Variants in CSMD1 observed in about 807,000 individuals in gnomAD.
CSMD1 encodes the protein CUB and sushi domain-containing protein 1.
Under a neutral mutation model 417.5 loss-of-function variants are expected in CSMD1, and 213 were observed. That is an observed-to-expected ratio of 0.51 (90% CI 0.46 to 0.57). The LOEUF (loss-of-function observed/expected upper bound fraction) is 0.57, where lower values mean the gene tolerates loss of function less well. Ranked by LOEUF, CSMD1 falls within the 20% of genes least tolerant of loss-of-function variation. The pLI is 0.00. For missense variants in CSMD1, 6,923 were observed against 4,529.7 expected, an observed-to-expected ratio of 1.53 and a Z score of -15.17; for synonymous variants, 2,862 against 1,736.8, an observed-to-expected ratio of 1.65 and a Z score of -16.11.
At chr8:3,198,926 T>A (rs889582661) in intron 33 of CSMD1, among the ~76,000 whole-genome samples, 1 of 152,152 alleles carries the variant, frequency 6.6e-6, no homozygotes, top group Non-Finnish European at 1.5e-5. Context: ...AACTAAAATA[T>A]TGCTTTTTAT....
At chr8:3,639,471 C>T (rs777875047) in intron 7 of CSMD1, among the ~76,000 whole-genome samples, 1 of 152,120 alleles carries the variant, frequency 6.6e-6, no homozygotes, top group African/African-American at 2.4e-5. Context: ...AATTGTCTAA[C>T]TGAGCATGAA....
chr8:4,104,381 GTAC>G (rs1252679502), intron 3 of CSMD1, among the ~76,000 whole-genome samples: 1 of 152,134 alleles, frequency 6.6e-6, no homozygotes, highest in African/African-American at 2.4e-5. Context: ...GCACAGGGCA[GTAC>G]TACACACACA....
At chr8:3,010,045 C>A (rs990017287) in intron 52 of CSMD1, among the ~76,000 whole-genome samples, 1 of 152,218 alleles carries the variant, frequency 6.6e-6, no homozygotes, top group Non-Finnish European at 1.5e-5. Context: ...GCCTCATTGT[C>A]CTCAAGCTTT....
chr8:3,065,533 CAGAT>C (rs1035938929), intron 49 of CSMD1, among the ~76,000 whole-genome samples: 2 of 151,652 alleles, frequency 1.3e-5, no homozygotes, highest in African/African-American at 2.4e-5. Flanking sequence ...GATGGATACA[CAGAT>C]GGATAGTTAT....
chr8:3,809,705 T>C (rs1800954477), intron 5 of CSMD1, among the ~76,000 whole-genome samples: 1 of 152,138 alleles, frequency 6.6e-6, no homozygotes. Flanking sequence ...CCAGAGACAC[T>C]GCCACGAATC....
chr8:4,666,843 T>C (rs928980769), intron 1 of CSMD1, among the ~76,000 whole-genome samples: 2 of 152,178 alleles, frequency 1.3e-5, no homozygotes, highest in African/African-American at 2.4e-5. Flanking sequence ...AGCAGAACTT[T>C]ATAATTTTGA....
intron 5 of CSMD1, among the ~76,000 whole-genome samples, chr8:3,984,809 C>A (rs542544374): frequency 2.4e-4 from 35 of 143,224 alleles, no homozygotes; most frequent in South Asian, 1.8e-3. Context: ...ATCACACACA[C>A]AAAAAACTAG....
intron 25 of CSMD1, among the ~76,000 whole-genome samples, chr8:3,296,379 G>C (rs924463009): frequency 6.6e-6 from 1 of 152,126 alleles, no homozygotes; most frequent in Non-Finnish European, 1.5e-5. Context: ...GGAAGGAAGA[G>C]CTGAGAGCAG....
intron 17 of CSMD1, among the ~76,000 whole-genome samples, chr8:3,392,754 G>A (rs1811425410): frequency 1.3e-5 from 2 of 152,098 alleles, no homozygotes; most frequent in Admixed American, 6.6e-5. Context: ...ATGTGTTAGT[G>A]CACTATGATG....
intron 7 of CSMD1, among the ~76,000 whole-genome samples, chr8:3,664,353 T>C (rs2117474658): frequency 6.6e-6 from 1 of 152,332 alleles, no homozygotes; most frequent in South Asian, 2.1e-4. Flanking sequence ...AATTAAAATA[T>C]TGGACTTCAT....
At chr8:4,337,688 A>C (rs1257604024) in intron 3 of CSMD1, among the ~76,000 whole-genome samples, 1 of 152,168 alleles carries the variant, frequency 6.6e-6, no homozygotes, top group East Asian at 1.9e-4. Flanking sequence ...TTCTTTAAGC[A>C]TGCCAACTTT....
intron 54 of CSMD1, among the ~76,000 whole-genome samples, chr8:2,990,749 G>A (rs1312614325): frequency 6.6e-6 from 1 of 152,166 alleles, no homozygotes; most frequent in Non-Finnish European, 1.5e-5. Context: ...TCTCTACCCT[G>A]GAAGAGCGAG....
chr8:3,839,727 C>T (rs1802992675), intron 5 of CSMD1, among the ~76,000 whole-genome samples: 2 of 149,980 alleles, frequency 1.3e-5, no homozygotes, highest in Admixed American at 6.8e-5. Flanking sequence ...CTTTAAAGCA[C>T]TTCGCTTGCT....
intron 3 of CSMD1, among the ~76,000 whole-genome samples, chr8:4,317,844 G>A (rs954325301): frequency 6.6e-6 from 1 of 152,064 alleles, no homozygotes; most frequent in African/African-American, 2.4e-5. Flanking sequence ...ATGTATTTTT[G>A]ACCAAGTTAA....
At chr8:2,945,237 G>A (rs986863346) in intron 68 of CSMD1, among the ~76,000 whole-genome samples, 12 of 152,138 alleles carry the variant, frequency 7.9e-5, no homozygotes, top group African/African-American at 2.4e-4. Flanking sequence ...CTCGTAATAT[G>A]TGTGATTATT....
At chr8:3,641,074 T>A (rs1161233534) in intron 7 of CSMD1, among the ~76,000 whole-genome samples, 1 of 146,826 alleles carries the variant, frequency 6.8e-6, no homozygotes, top group Non-Finnish European at 1.5e-5. Flanking sequence ...AAAGTTGTAA[T>A]GATTCAGGAC....
Position 3,708,183 on chromosome 8 carries a change from G to C in CSMD1, c.1009+231C>G, listed in dbSNP as rs1020328722. Among the ~76,000 whole-genome samples, 5 of 152,334 alleles carry C rather than the reference G, an allele frequency of 3.3e-5. No homozygotes were observed. The East Asian group carries it at 5.8e-4, about 18-fold the overall frequency. ...CATCTGGAGGGTCCAGTCTCAGACAGTGATCAGGGCAGACGTGACACATGG... is the reference window on the plus strand; with the variant it reads ...CATCTGGAGGGTCCAGTCTCAGACACTGATCAGGGCAGACGTGACACATGG... On this transcript the variant is annotated intron_variant, in intron 7 of 69. Coordinates refer to ENST00000635120, the MANE Select transcript of CSMD1 (RefSeq NM_033225.6).
chr8:3,315,624 C>G (rs1404792835), intron 23 of CSMD1, among the ~76,000 whole-genome samples: 1 of 147,248 alleles, frequency 6.8e-6, no homozygotes, highest in Non-Finnish European at 1.5e-5. Flanking sequence ...ATGAGCAGCC[C>G]CATGGTAAGA....
chr8:3,529,956 G>A (rs548532844), intron 10 of CSMD1, among the ~76,000 whole-genome samples: 1 of 152,060 alleles, frequency 6.6e-6, no homozygotes, highest in East Asian at 1.9e-4. Flanking sequence ...CAATAAATTT[G>A]CCCACGAAAT....
Sources: allele counts gnomAD v4.1 joint callset (sites outside exome capture counted in the v4.1 genomes callset), GRCh38; gene constraint gnomAD v4.1.1; transcripts MANE v1.5; gene names NCBI Gene and HGNC (gene_info 2026-07-23, HGNC 2026-07-21).